TLE3: variants seen among roughly 807,000 people sequenced by gnomAD.
TLE3 encodes transducin-like enhancer protein 3.
In TLE3, 14 loss-of-function variants were observed where a neutral mutation model predicts 93.0. The observed-to-expected ratio is 0.15, with a 90% confidence interval of 0.10 to 0.24. TLE3 has a LOEUF of 0.24. Ranked by LOEUF, TLE3 falls within the 10% of genes least tolerant of loss-of-function variation. The probability of loss-of-function intolerance (pLI) is 1.00; values close to 1 mark genes in which losing one functional copy is unlikely to be tolerated. For missense variants in TLE3, 693 were observed against 1,046.6 expected (o/e 0.66, Z 4.66); for synonymous variants, 451 against 425.0 (o/e 1.06, Z -0.75).
In TLE3 at chr15:70,096,967, G is replaced by A. The variant is rs1242050849; in HGVS notation, c.-169C>T. Reference sequence around the variant, plus strand: ...AGCGAAATCCCAGAGTCGGGCGCCCGCCCCAAGTGGAGACAAAGAGCCGCG... The same window carrying A: ...AGCGAAATCCCAGAGTCGGGCGCCCACCCCAAGTGGAGACAAAGAGCCGCG... On this transcript the variant is annotated 5_prime_UTR_variant, in exon 1 of 20. Transcript: ENST00000451782. 6.5e-6 allele frequency: 4 copies of A among 611,986 alleles called. No homozygotes were observed. Among genetic ancestry groups the A allele is most frequent in the Admixed American group, 2.6e-5 (1 of 38,542 alleles). The allele number at this position is 611,986 out of a possible 1,614,324, so 37.9% of individuals were successfully genotyped here. A position where few individuals can be genotyped will look rare whatever the true frequency, so the allele number is the denominator to read the frequency against.
In TLE3 at chr15:70,054,636, G is replaced by A. The variant is rs1247141366; in HGVS notation, c.1628C>T (p.Thr543Met). 8 of 1,609,572 alleles carry A rather than the reference G, an allele frequency of 5.0e-6. No homozygotes were observed. The highest frequency in any genetic ancestry group is 5.1e-6 in the Non-Finnish European group (6 of 1,177,038). Residue 543 changes from threonine (T) to methionine (M), a missense_variant, in exon 16 of 20, where the codon ACG becomes ATG. Physicochemically the swap from Thr to Met is moderately conservative, Grantham distance 81 (BLOSUM62 -1). Coordinates refer to ENST00000451782, the MANE Select transcript of TLE3 (RefSeq NM_001105192.3). ...RSCKLLPDGRTLIVGGEASTL... is the reference protein window; with the variant it reads ...RSCKLLPDGRMLIVGGEASTL... The stretch of plus-strand genomic sequence containing the variant: ...GCTGGCCTCGCCGCCCACGATGAGC[G>A]TGCGCCCATCAGGGAGCAGCTTGCA...
Position 70,058,040 on chromosome 15 carries a change from G to A in TLE3, c.1051+119C>T. On this transcript the variant is annotated intron_variant, in intron 12 of 19. Coordinates refer to ENST00000451782, the MANE Select transcript of TLE3 (RefSeq NM_001105192.3). This position sits in a 1 kb window ranked among gnomAD's most constrained non-coding sequence, Gnocchi z 4.1. ...CTGACCGTGAAGTCCCCAGGGGCAG[G>A]CCCTGGGAGACACTGCCTGTGCTCT... 6.9e-7 allele frequency: 1 copy of A among 1,459,316 alleles called. No homozygotes were observed. Among genetic ancestry groups the A allele is most frequent in the Non-Finnish European group, 9.3e-7 (1 of 1,074,592 alleles). 90.4% of individuals were successfully genotyped at this position (1,459,316 alleles called of 1,614,324 possible).
At chr15:70,054,374 A>T in intron 16 of TLE3, 64 bp downstream of exon 16, 1 of 1,563,272 alleles carries the variant, frequency 6.4e-7, no homozygotes, top group Non-Finnish European at 8.7e-7. Context: ...AGCAAACAAG[A>T]CCAGGCAGGA....
chr15:70,052,991 A>T, intron 17 of TLE3: 1 of 511,726 alleles, frequency 2.0e-6, no homozygotes, highest in Non-Finnish European at 3.4e-6. Context: ...GCTCAATAGC[A>T]GCAGAGAATG....
Position 70,058,148 on chromosome 15 carries a change from A to G in TLE3, c.1051+11T>C. The G allele has an allele frequency of 6.2e-7, 1 of 1,613,808 alleles. No homozygotes were observed. The highest frequency in any genetic ancestry group is 1.1e-5 in the South Asian group (1 of 91,066). On this transcript the variant is annotated intron_variant, in intron 12 of 19. Coordinates refer to ENST00000451782, the MANE Select transcript of TLE3 (RefSeq NM_001105192.3). The surrounding 1 kb of genome is among the most constrained non-coding windows in gnomAD (Gnocchi z 4.1). ...CAGATTAACCCAGCCCATGGTGCCT[A>G]CCCATTATACCTATCGGGTCCATGC... is the stretch of plus-strand genomic sequence containing the variant.
At chr15:70,076,197 A>G (rs1420210369) in intron 4 of TLE3, 39 bp from the exon 5 acceptor site, 1 of 1,601,052 alleles carries the variant, frequency 6.2e-7, no homozygotes, top group Non-Finnish European at 8.6e-7. Flanking sequence ...TCAGGCAAAT[A>G]AATCAAGTCA....
Position 70,061,749 on chromosome 15 carries a change from T to C in TLE3, c.595-1100A>G, listed in dbSNP as rs549061156. On this transcript the variant is annotated intron_variant, in intron 8 of 19. Coordinates refer to ENST00000451782, the MANE Select transcript of TLE3 (RefSeq NM_001105192.3). ...CCGAGCAGCTGCCCTGGGTCAGCCC[T>C]GGTGCTGCAGGCCAGGAGTGGCAGA... Among the ~76,000 whole-genome samples the C allele has an allele frequency of 5.9e-5, 9 of 152,320 alleles. No homozygotes were observed. In the East Asian group the frequency reaches 1.7e-3, roughly 29 times the overall value.
At chr15:70,091,639 C>A (rs2058312665) in intron 4 of TLE3, among the ~76,000 whole-genome samples, 1 of 152,204 alleles carries the variant, frequency 6.6e-6, no homozygotes, top group Non-Finnish European at 1.5e-5. Flanking sequence ...TATTACTTCT[C>A]TGGGATTTTG....
intron 3 of TLE3, 193 bp downstream of exon 3, chr15:70,095,385 C>A (rs904648023): frequency 6.9e-6 from 10 of 1,459,118 alleles, no homozygotes; most frequent in Non-Finnish European, 9.0e-6. Flanking sequence ...CCTCCCCTCA[C>A]TCACCCTCCT....
intron 4 of TLE3, among the ~76,000 whole-genome samples, chr15:70,088,826 T>C (rs2058157858): frequency 6.6e-6 from 1 of 152,178 alleles, no homozygotes; most frequent in African/African-American, 2.4e-5. Context: ...AGCAGCATAT[T>C]ACGGTAGGAA....
At chr15:70,065,984 G>GGCCCCCCCCCC in intron 7 of TLE3, 30 bp downstream of exon 7, 1 of 768,872 alleles carries the variant, frequency 1.3e-6, no homozygotes, top group Non-Finnish European at 2.1e-6. Flanking sequence ...CCCCTGCCCC[G>GGCCCCCCCCCC]CCCCACCCTC....
At chr15:70,077,565 C>G (rs1473038559) in intron 4 of TLE3, among the ~76,000 whole-genome samples, 1 of 152,250 alleles carries the variant, frequency 6.6e-6, no homozygotes, top group African/African-American at 2.4e-5. Context: ...CCCTTGGCCA[C>G]TAAAGAGGAC....
At position 70,096,836 on chromosome 15, in the gene TLE3, C is replaced by T. The variant is rs754000874; in HGVS notation, c.-38G>A. On this transcript the variant is annotated 5_prime_UTR_variant, in exon 1 of 20. Coordinates refer to ENST00000451782, the MANE Select transcript of TLE3 (RefSeq NM_001105192.3). The stretch of plus-strand genomic sequence containing the variant: ...TCGTGATTCCGAGAGCGTGGAAGCG[C>T]CGAGAGCCCGGGCCGGGGAGGTGCG... 2 of 1,606,126 alleles carry T rather than the reference C, an allele frequency of 1.2e-6. No homozygotes were observed. The highest frequency in any genetic ancestry group is 1.3e-5 in the African/African-American group (1 of 74,510).
chr15:70,094,708 AC>A, intron 3 of TLE3, 132 bp from the exon 4 acceptor site: 1 of 688,436 alleles, frequency 1.5e-6, no homozygotes, highest in Non-Finnish European at 2.5e-6. Flanking sequence ...TTTAAATCAA[AC>A]CCCAAAGCCA....
At position 70,052,814 on chromosome 15, in the gene TLE3, T is replaced by C. The variant is rs553087665; in HGVS notation, c.1975-290A>G. 2.1e-4 allele frequency: 65 copies of C among 316,310 alleles called. No homozygotes were observed. In the South Asian group the frequency reaches 4.6e-3, roughly 22 times the overall value. 19.6% of individuals were successfully genotyped at this position (316,310 alleles called of 1,614,324 possible). On this transcript the variant is annotated intron_variant, in intron 17 of 19. Coordinates refer to ENST00000451782, the MANE Select transcript of TLE3 (RefSeq NM_001105192.3). ...AAAATTTAAGATTAAAATATTAAAG[T>C]GAGGAATGCAAATAAGAAATAATAA... is the stretch of plus-strand genomic sequence containing the variant.
intron 4 of TLE3, among the ~76,000 whole-genome samples, chr15:70,092,346 A>G (rs1282845473): frequency 6.6e-6 from 1 of 152,224 alleles, no homozygotes; most frequent in Non-Finnish European, 1.5e-5. Context: ...GATTTCACCC[A>G]ACTCAGAGAC....
At position 70,055,206 on chromosome 15, in the gene TLE3, G is replaced by C; in HGVS notation, c.1421C>G (p.Ala474Gly). 6.2e-7 allele frequency: 1 copy of C among 1,614,008 alleles called. No individual in the cohort carries two copies. The highest frequency in any genetic ancestry group is 8.5e-7 in the Non-Finnish European group (1 of 1,179,988). The change falls in exon 15 of 20, where the codon GCC becomes GGC. Residue 474 changes from alanine (A) to glycine (G), a missense_variant. Ala to Gly is a moderately conservative substitution (Grantham distance 60, BLOSUM62 0). This residue lies in a region of TLE3 where 405 missense variants were observed against 468.9 expected (regional missense o/e 0.86). Coordinates refer to ENST00000451782, the MANE Select transcript of TLE3 (RefSeq NM_001105192.3). ...ALAGPGIPRHARQINTLSHGE... is the reference protein window; with the variant it reads ...ALAGPGIPRHGRQINTLSHGE... Reference sequence around the variant, plus strand: ...GTGGCTGAGTGTGTTGATCTGCCGGGCGTGCCTCGGGATGCCGGGGCCTGC... The same window carrying C: ...GTGGCTGAGTGTGTTGATCTGCCGGCCGTGCCTCGGGATGCCGGGGCCTGC...
intron 9 of TLE3, 144 bp from the exon 10 acceptor site, chr15:70,059,604 G>C (rs1353269119): frequency 2.7e-6 from 2 of 743,432 alleles, no homozygotes; most frequent in African/African-American, 1.8e-5. Flanking sequence ...CTCCAGCCCT[G>C]CCCTTCAACA....
At chr15:70,060,736 C>T (rs3825968) in intron 8 of TLE3, 87 bp from the exon 9 acceptor site, 11 of 1,572,546 alleles carry the variant, frequency 7.0e-6, no homozygotes, top group African/African-American at 5.4e-5. Flanking sequence ...GCAGGTGACA[C>T]GGAGGTCAGG....
Sources: allele counts gnomAD v4.1 joint callset (sites outside exome capture counted in the v4.1 genomes callset), GRCh38; gene constraint gnomAD v4.1.1; regional missense constraint gnomAD v4.1.1; non-coding constraint Gnocchi (gnomAD v3.1); transcripts MANE v1.5; gene names NCBI Gene and HGNC (gene_info 2026-07-23, HGNC 2026-07-21).